GRM8: variants seen among roughly 807,000 people sequenced by gnomAD.
The protein encoded by GRM8 is glutamate metabotropic receptor 8, also known as metabotropic glutamate receptor 8.
A neutral mutation model predicts 87.2 loss-of-function variants in GRM8; 47 were observed. The observed-to-expected ratio is 0.54, with a 90% CI of 0.43 to 0.69. GRM8 has a LOEUF of 0.69. GRM8 is among the 30% of genes least tolerant of loss of function. GRM8 has a pLI of 0.00. For missense variants in GRM8, 1,019 were observed against 1,139.2 expected, an observed-to-expected ratio of 0.89 and a Z score of 1.52; for synonymous variants, 396 against 404.5, an observed-to-expected ratio of 0.98 and a Z score of 0.25.
intron 2 of GRM8, among the ~76,000 whole-genome samples, chr7:127,203,426 G>A (rs1415858989): frequency 6.6e-6 from 1 of 152,190 alleles, no homozygotes; most frequent in East Asian, 1.9e-4. Flanking sequence ...TAAAAGTTGA[G>A]GCCAGGCGTA....
intron 10 of GRM8, among the ~76,000 whole-genome samples, chr7:126,440,550 G>A (rs947943464): frequency 1.3e-5 from 2 of 151,434 alleles, no homozygotes; most frequent in Non-Finnish European, 2.9e-5. Context: ...CTATTTACAT[G>A]TATACCATTT....
At chr7:127,177,541 CA>C (rs1424872995) in intron 2 of GRM8, among the ~76,000 whole-genome samples, 3 of 152,218 alleles carry the variant, frequency 2.0e-5, no homozygotes, top group Non-Finnish European at 2.9e-5. Flanking sequence ...GGAGGCCAAC[CA>C]GCACAAAAAT....
intron 9 of GRM8, among the ~76,000 whole-genome samples, chr7:126,475,239 A>C (rs572345699): frequency 4.6e-5 from 7 of 152,152 alleles, no homozygotes; most frequent in Admixed American, 4.6e-4. Flanking sequence ...AAATCTAAAA[A>C]CTATGAAAAA....
At chr7:126,713,050 G>A (rs1811289083) in intron 7 of GRM8, among the ~76,000 whole-genome samples, 1 of 152,100 alleles carries the variant, frequency 6.6e-6, no homozygotes, top group South Asian at 2.1e-4. Flanking sequence ...GTTCCTCAAG[G>A]ATCTAGAACC....
intron 7 of GRM8, among the ~76,000 whole-genome samples, chr7:126,612,194 TTTG>T (rs1302207407): frequency 6.6e-6 from 1 of 152,290 alleles, no homozygotes; most frequent in African/African-American, 2.4e-5. Flanking sequence ...TATAATTTCT[TTTG>T]TTGTTTTGTG....
intron 3 of GRM8, among the ~76,000 whole-genome samples, chr7:126,979,571 G>A (rs375301902): frequency 5.9e-5 from 9 of 152,168 alleles, no homozygotes; most frequent in Admixed American, 2.6e-4. Context: ...GTGGTACAAA[G>A]AAAGGTGACC....
At chr7:126,827,267 C>T (rs1449005575) in intron 6 of GRM8, among the ~76,000 whole-genome samples, 1 of 152,000 alleles carries the variant, frequency 6.6e-6, no homozygotes, top group Admixed American at 6.6e-5. Flanking sequence ...TCATTGGTAG[C>T]TTGATGGGGA....
At chr7:127,212,098 G>A (rs1386530551) in intron 2 of GRM8, among the ~76,000 whole-genome samples, 1 of 152,094 alleles carries the variant, frequency 6.6e-6, no homozygotes, top group South Asian at 2.1e-4. Flanking sequence ...TTTTGGACCG[G>A]CAGAGCCAGC....
At chr7:127,147,139 A>G (rs1828596080) in intron 2 of GRM8, among the ~76,000 whole-genome samples, 1 of 152,038 alleles carries the variant, frequency 6.6e-6, no homozygotes, top group Non-Finnish European at 1.5e-5. Context: ...ACATAGAGGC[A>G]CTAGATTCAA....
rs555546805 is a variant in GRM8, at chr7:126,849,862, C to T, written c.1156+52680G>A. Among the ~76,000 whole-genome samples the T allele has an allele frequency of 7.2e-5, 11 of 152,186 alleles. No individual in the cohort carries two copies. In the East Asian group the frequency reaches 1.4e-3, roughly 19 times the overall value. On this transcript the variant is annotated intron_variant, in intron 6 of 10. Transcript: ENST00000339582. ...TTGTACAATAGGTCCCAGCTCCATTCGAAAAAGAACACGGCCCCAACAGTA... is the reference window on the plus strand; with the variant it reads ...TTGTACAATAGGTCCCAGCTCCATTTGAAAAAGAACACGGCCCCAACAGTA...
chr7:126,628,442 G>A (rs1000163756), intron 7 of GRM8, among the ~76,000 whole-genome samples: 3 of 152,108 alleles, frequency 2.0e-5, no homozygotes, highest in Non-Finnish European at 4.4e-5. Flanking sequence ...TGCCCTAAAT[G>A]CCCACAGGAT....
chr7:127,235,749 T>C (rs888957775), intron 2 of GRM8, among the ~76,000 whole-genome samples: 1 of 152,236 alleles, frequency 6.6e-6, no homozygotes, highest in Non-Finnish European at 1.5e-5. Flanking sequence ...TGGTCCTGGC[T>C]AGGGTTTGGG....
intron 2 of GRM8, chr7:127,112,413 T>G (rs935648523): frequency 2.0e-5 from 3 of 152,180 alleles, no homozygotes; most frequent in Admixed American, 6.5e-5. Flanking sequence ...CCTACTAACA[T>G]GTAGATTCCA....
chr7:127,245,969 T>C (rs1469783062), intron 1 of GRM8, among the ~76,000 whole-genome samples: 1 of 152,130 alleles, frequency 6.6e-6, no homozygotes, highest in Admixed American at 6.5e-5. Flanking sequence ...CATTTTCTAC[T>C]GGAGCAGAGC....
intron 3 of GRM8, among the ~76,000 whole-genome samples, chr7:127,100,995 C>T (rs1351120140): frequency 6.6e-6 from 1 of 152,116 alleles, no homozygotes; most frequent in African/African-American, 2.4e-5. Flanking sequence ...ATGTTCCTTG[C>T]TATTCTTCTC....
intron 7 of GRM8, among the ~76,000 whole-genome samples, chr7:126,674,434 C>G (rs1422864303): frequency 1.3e-5 from 2 of 152,136 alleles, no homozygotes; most frequent in Non-Finnish European, 2.9e-5. Context: ...TGTCTATACT[C>G]AAAGCATCTT....
chr7:127,069,526 T>C (rs1252150128), intron 3 of GRM8, among the ~76,000 whole-genome samples: 1 of 152,156 alleles, frequency 6.6e-6, no homozygotes, highest in Non-Finnish European at 1.5e-5. Context: ...GAAATTCTTT[T>C]GTAAAGACAG....
At chr7:126,638,813 C>G (rs75396992) in intron 7 of GRM8, among the ~76,000 whole-genome samples, 5,612 of 152,208 alleles carry the variant, frequency 0.037, 271 homozygotes, top group African/African-American at 0.11. Flanking sequence ...CATTCTCTCC[C>G]TGAATATACT....
chr7:126,896,941 G>A (rs1801601653), intron 6 of GRM8, among the ~76,000 whole-genome samples: 1 of 152,120 alleles, frequency 6.6e-6, no homozygotes, highest in Non-Finnish European at 1.5e-5. Flanking sequence ...TGAGAGCAAG[G>A]GAGGTCTGTT....
Sources: gnomAD v4.1 joint callset for allele counts (sites outside exome capture counted in the v4.1 genomes callset) on GRCh38, gnomAD v4.1.1 for gene constraint, MANE v1.5 for transcripts, NCBI Gene and HGNC (gene_info 2026-07-23, HGNC 2026-07-21) for gene names.